The following RAB31 variants were observed in gnomAD, a reference collection of about 807,000 sequenced individuals.
RAB31 encodes ras-related protein Rab-31.
Under a neutral mutation model 25.6 loss-of-function variants are expected in RAB31, and 21 were observed. The observed-to-expected ratio is 0.82, with a 90% CI of 0.58 to 1.18. The LOEUF is 1.18. RAB31 is among the 50% of genes most tolerant of loss of function. The pLI is 0.00. For missense variants in RAB31, 196 were observed against 250.1 expected, an observed-to-expected ratio of 0.78 and a Z score of 1.46; for synonymous variants, 87 against 84.0, an observed-to-expected ratio of 1.04 and a Z score of -0.20.
chr18:9,763,449 A>G (rs1419191872), intron 1 of RAB31, among the ~76,000 whole-genome samples: 1 of 152,194 alleles, frequency 6.6e-6, no homozygotes, highest in African/African-American at 2.4e-5. Context: ...TAGGAAAGGA[A>G]TAAAACGAAA....
intron 6 of RAB31, among the ~76,000 whole-genome samples, chr18:9,853,298 T>C (rs1464376648): frequency 6.6e-6 from 1 of 151,922 alleles, no homozygotes; most frequent in African/African-American, 2.4e-5. Flanking sequence ...TTCTAAATGT[T>C]AAAATAAAAA....
chr18:9,723,405 A>C (rs913024889), intron 1 of RAB31, among the ~76,000 whole-genome samples: 36 of 152,246 alleles, frequency 2.4e-4, no homozygotes, highest in African/African-American at 8.4e-4. Context: ...AAGATCTTCC[A>C]AAACAATTCA....
At chr18:9,814,140 CACT>C in intron 4 of RAB31, 49 bp downstream of exon 4, 4 of 1,381,236 alleles carry the variant, frequency 2.9e-6, no homozygotes, top group Non-Finnish European at 4.0e-6. Context: ...GTGGTTCTCT[CACT>C]TAGAGAGACT....
chr18:9,725,186 A>C (rs2068091404), intron 1 of RAB31, among the ~76,000 whole-genome samples: 14 of 152,172 alleles, frequency 9.2e-5, no homozygotes. Flanking sequence ...CTAGCCTCAC[A>C]GATCCCAGAA....
chr18:9,770,329 G>A (rs139726120), intron 1 of RAB31, among the ~76,000 whole-genome samples: 60 of 152,306 alleles, frequency 3.9e-4, no homozygotes, highest in Non-Finnish European at 7.1e-4. Flanking sequence ...CTTGAAGGCC[G>A]TTGCAGGAGT....
intron 5 of RAB31, among the ~76,000 whole-genome samples, chr18:9,834,362 C>T (rs1323542424): frequency 1.3e-5 from 2 of 152,270 alleles, no homozygotes; most frequent in South Asian, 4.1e-4. Context: ...GTGATCCACC[C>T]TCCTCGGCCT....
rs1010864535 is a variant in RAB31 at position 9,724,134 on chromosome 18, A to G, written c.39+15690A>G. ...AAAATACAAAAAATTAGCCGGGCGT[A>G]GTGGCGGGCGCCTGTAGTCCCAGCT... On this transcript the variant is annotated intron_variant, in intron 1 of 6. Transcript: ENST00000578921. Among the ~76,000 whole-genome samples the G allele has an allele frequency of 5.3e-5, 8 of 150,902 alleles. No individual in the cohort carries two copies. The South Asian group carries it at 1.3e-3, about 24-fold the overall frequency.
intron 1 of RAB31, among the ~76,000 whole-genome samples, chr18:9,752,386 G>A (rs113305876): frequency 0.014 from 2,083 of 152,170 alleles, 17 homozygotes; most frequent in Middle Eastern, 0.044. Context: ...CACCACGCCC[G>A]GCTAAGTTTT....
In RAB31 at chr18:9,708,690, C is replaced by T. The variant is rs538890820; in HGVS notation, c.39+246C>T. On this transcript the variant is annotated intron_variant, in intron 1 of 6. Transcript: ENST00000578921. This position sits in a 1 kb window ranked among gnomAD's most constrained non-coding sequence, Gnocchi z 6.4. Reference sequence around the variant, plus strand: ...CGCCTGTTCTCCGCCTCCCCGCCGTCCGTGCGCCCCTCTGGTCCGCCCCCG... The same window carrying T: ...CGCCTGTTCTCCGCCTCCCCGCCGTTCGTGCGCCCCTCTGGTCCGCCCCCG... Among the ~76,000 whole-genome samples the T allele has an allele frequency of 1.3e-5, 2 of 152,126 alleles. No individual in the cohort carries two copies. The highest frequency in any genetic ancestry group is 4.8e-5 in the African/African-American group (2 of 41,504).
chr18:9,848,364 TCATCTGTA>T (rs1465744255), intron 6 of RAB31, among the ~76,000 whole-genome samples: 1 of 151,962 alleles, frequency 6.6e-6, no homozygotes, highest in African/African-American at 2.4e-5. Flanking sequence ...ATCTATCTAT[TCATCTGTA>T]CATCTGTCTG....
intron 6 of RAB31, among the ~76,000 whole-genome samples, chr18:9,852,922 A>C (rs1349651504): frequency 6.6e-6 from 1 of 152,180 alleles, no homozygotes; most frequent in African/African-American, 2.4e-5. Context: ...AATATTAACC[A>C]TTCGAAAGGA....
chr18:9,714,799 C>T (rs1021415170), intron 1 of RAB31, among the ~76,000 whole-genome samples: 4 of 152,194 alleles, frequency 2.6e-5, no homozygotes, highest in African/African-American at 9.7e-5. Context: ...TTCCCAAAGA[C>T]ACGAACACAC....
chr18:9,824,777 G>A (rs1286575945), intron 5 of RAB31, among the ~76,000 whole-genome samples: 1 of 152,184 alleles, frequency 6.6e-6, no homozygotes, highest in African/African-American at 2.4e-5. Context: ...TTTTTTCTAG[G>A]TTCCTGATCT....
At chr18:9,785,514 C>T (rs541817026) in intron 2 of RAB31, among the ~76,000 whole-genome samples, 3 of 152,270 alleles carry the variant, frequency 2.0e-5, no homozygotes, top group Admixed American at 2.0e-4. Context: ...TCCTAACTCC[C>T]AAACCCTTGT....
At chr18:9,792,835 G>A (rs1179333276) in intron 3 of RAB31, among the ~76,000 whole-genome samples, 1 of 152,064 alleles carries the variant, frequency 6.6e-6, no homozygotes, top group Non-Finnish European at 1.5e-5. Context: ...GTTGGTTCAG[G>A]AAGTCAGGTA....
At chr18:9,753,627 G>A (rs1280036529) in intron 1 of RAB31, among the ~76,000 whole-genome samples, 1 of 152,164 alleles carries the variant, frequency 6.6e-6, no homozygotes, top group South Asian at 2.1e-4. Flanking sequence ...GGCTTTTGAA[G>A]GCCTCTCCTG....
chr18:9,778,489 G>A (rs1026126329), intron 2 of RAB31, among the ~76,000 whole-genome samples: 1 of 152,076 alleles, frequency 6.6e-6, no homozygotes, highest in Admixed American at 6.6e-5. Flanking sequence ...ACGGTACTTG[G>A]CTCAAAAGTC....
chr18:9,724,530 TA>T (rs2145460925), intron 1 of RAB31, among the ~76,000 whole-genome samples: 1 of 152,306 alleles, frequency 6.6e-6, no homozygotes, highest in African/African-American at 2.4e-5. Flanking sequence ...TCTTCCTTAT[TA>T]AAAATATCCG....
chr18:9,837,427 C>G (rs1276776495), intron 5 of RAB31, among the ~76,000 whole-genome samples: 1 of 152,026 alleles, frequency 6.6e-6, no homozygotes, highest in African/African-American at 2.4e-5. Context: ...ATTATTTAAT[C>G]GTGATACAAA....
Sources: allele counts gnomAD v4.1 joint callset (sites outside exome capture counted in the v4.1 genomes callset), GRCh38; gene constraint gnomAD v4.1.1; non-coding constraint Gnocchi (gnomAD v3.1); transcripts MANE v1.5; gene names NCBI Gene and HGNC (gene_info 2026-07-23, HGNC 2026-07-21).